The following ERMARD variants were observed in gnomAD, a reference collection of about 807,000 sequenced individuals.
The protein encoded by ERMARD is endoplasmic reticulum membrane-associated RNA degradation protein.
ERMARD carries 71 observed loss-of-function variants against 83.9 expected under a neutral mutation model. The ratio of observed to expected loss-of-function variants is 0.85; its 90% CI spans 0.70 to 1.03. The LOEUF is 1.03. Among genes scored for constraint, ERMARD ranks in the 50% least tolerant of loss-of-function variants. ERMARD has a pLI of 0.00. For missense variants in ERMARD, 838 were observed against 810.9 expected (o/e 1.03, Z -0.41); for synonymous variants, 284 against 298.6 (o/e 0.95, Z 0.50).
At chr6:169,778,511 C>T (rs1793846004) in intron 16 of ERMARD, among the ~76,000 whole-genome samples, 2 of 152,212 alleles carry the variant, frequency 1.3e-5, no homozygotes, top group Admixed American at 6.5e-5. Flanking sequence ...GAATGTGCTA[C>T]ATCCTTAAGA....
intron 1 of ERMARD, among the ~76,000 whole-genome samples, chr6:169,752,279 G>A (rs942916579): frequency 6.6e-6 from 1 of 152,176 alleles, no homozygotes; most frequent in Non-Finnish European, 1.5e-5. Flanking sequence ...CTTTTCATGT[G>A]TTATCTGATT....
chr6:169,779,100 T>G, intron 16 of ERMARD, 82 bp from the exon 17 acceptor site: 1 of 1,165,602 alleles, frequency 8.6e-7, no homozygotes, highest in Non-Finnish European at 1.3e-6. Context: ...AGGATGTTGA[T>G]TAGGTGAAAC....
intron 1 of ERMARD, chr6:169,753,245 A>C (rs1790368461): frequency 6.5e-6 from 1 of 154,324 alleles, no homozygotes; most frequent in African/African-American, 2.4e-5. Flanking sequence ...GAGGGGGAGG[A>C]TAGAGAGAGC....
intron 16 of ERMARD, among the ~76,000 whole-genome samples, chr6:169,778,121 C>CT (rs1339729022): frequency 2.6e-5 from 4 of 152,196 alleles, no homozygotes; most frequent in Non-Finnish European, 4.4e-5. Flanking sequence ...GTGGAGGGGA[C>CT]TGGGGGACAG....
chr6:169,753,541 C>CT (rs80179662), intron 1 of ERMARD, among the ~76,000 whole-genome samples: 261 of 141,888 alleles, frequency 1.8e-3, no homozygotes, highest in South Asian at 6.1e-3. Flanking sequence ...TGTATTTTTT[C>CT]TTTTTTTTTT....
At chr6:169,772,504 G>A (rs1031629826) in intron 12 of ERMARD, among the ~76,000 whole-genome samples, 6 of 152,014 alleles carry the variant, frequency 3.9e-5, no homozygotes, top group East Asian at 1.9e-4. Flanking sequence ...AGTGGCTCAC[G>A]CCTGTAATCC....
chr6:169,756,506 A>G, intron 4 of ERMARD, 67 bp downstream of exon 4: 1 of 1,182,664 alleles, frequency 8.5e-7, no homozygotes, highest in Non-Finnish European at 1.2e-6. Context: ...ACTATTTTAC[A>G]GTTGTCCTCA....
At chr6:169,776,806 G>A in intron 16 of ERMARD, 133 bp downstream of exon 16, 1 of 1,067,356 alleles carries the variant, frequency 9.4e-7, no homozygotes, top group Non-Finnish European at 1.4e-6. Context: ...TGATATACTT[G>A]GAGTCCACAA....
At chr6:169,776,369 G>A in intron 15 of ERMARD, 86 bp from the exon 16 acceptor site, 1 of 1,559,038 alleles carries the variant, frequency 6.4e-7, no homozygotes, top group Non-Finnish European at 8.7e-7. Context: ...CTGGCTCCCA[G>A]AAAGCCGCAG....
intron 9 of ERMARD, among the ~76,000 whole-genome samples, chr6:169,763,611 G>T (rs1275739764): frequency 2.6e-5 from 4 of 152,210 alleles, no homozygotes; most frequent in African/African-American, 9.7e-5. Flanking sequence ...TCGGATTCTC[G>T]TCTCTTTCTC....
chr6:169,759,744 C>G, intron 6 of ERMARD, 94 bp from the exon 7 acceptor site: 1 of 1,242,414 alleles, frequency 8.0e-7, no homozygotes, highest in Non-Finnish European at 1.1e-6. Flanking sequence ...TTTAACTTTG[C>G]TTTCTTAATT....
In ERMARD at chr6:169,773,307, T is replaced by C; in HGVS notation, c.1234-12T>C. ...CCAAACATGATAGTAACCACTGTTTTCTCTGCACTAGGAAAAATCAGCCGT... is the reference window on the plus strand; with the variant it reads ...CCAAACATGATAGTAACCACTGTTTCCTCTGCACTAGGAAAAATCAGCCGT... On this transcript the variant is annotated splice_polypyrimidine_tract_variant and intron_variant, in intron 12 of 17. Coordinates refer to ENST00000366773, the MANE Select transcript of ERMARD (RefSeq NM_018341.3). 3 of 1,613,518 alleles carry C rather than the reference T, an allele frequency of 1.9e-6. No individual in the cohort carries two copies. The South Asian group carries it at 3.3e-5, about 18-fold the overall frequency.
intron 3 of ERMARD, chr6:169,755,752 T>C (rs1790739200): frequency 1.4e-5 from 3 of 214,568 alleles, no homozygotes; most frequent in Non-Finnish European, 1.8e-5. Flanking sequence ...TGAGGTGTTC[T>C]AAGACAGTGG....
chr6:169,763,281 C>G (rs1458616315), intron 9 of ERMARD, among the ~76,000 whole-genome samples: 1 of 152,202 alleles, frequency 6.6e-6, no homozygotes, highest in East Asian at 1.9e-4. Context: ...ACTGAGATGG[C>G]AGCACCCCCA....
At position 169,766,684 on chromosome 6, in the gene ERMARD, G is replaced by A; in HGVS notation, c.990+17G>A. The A allele has an allele frequency of 6.4e-7, 1 of 1,563,130 alleles. No homozygotes were observed. The highest frequency in any genetic ancestry group is 1.2e-5 in the South Asian group (1 of 82,198). On this transcript the variant is annotated intron_variant, in intron 10 of 17. Transcript: ENST00000366773. ...TTTGATCAAGTAAGTAAGTAAACTT[G>A]TAAGGTAACTTGAAACAAACAGAAC...
At chr6:169,766,133 C>T (rs1000605900) in intron 9 of ERMARD, among the ~76,000 whole-genome samples, 1 of 152,348 alleles carries the variant, frequency 6.6e-6, no homozygotes. Context: ...GGAGTTCAAT[C>T]GGTTGCCTGT....
chr6:169,773,573 C>G (rs1008559912), intron 13 of ERMARD, among the ~76,000 whole-genome samples, 171 bp downstream of exon 13: 1 of 152,192 alleles, frequency 6.6e-6, no homozygotes, highest in African/African-American at 2.4e-5. Flanking sequence ...GTTGCTCAGT[C>G]TTCTGAGTCT....
intron 13 of ERMARD, among the ~76,000 whole-genome samples, chr6:169,774,655 C>T (rs1216960942): frequency 6.6e-6 from 1 of 152,212 alleles, no homozygotes; most frequent in Non-Finnish European, 1.5e-5. Flanking sequence ...CACCCACGCT[C>T]ACTGGTGTCA....
In ERMARD at chr6:169,754,023, A is replaced by C; in HGVS notation, c.166A>C (p.Thr56Pro). The C allele has an allele frequency of 6.2e-7, 1 of 1,610,850 alleles. No individual in the cohort carries two copies. The highest frequency in any genetic ancestry group is 8.5e-7 in the Non-Finnish European group (1 of 1,178,008). Residue 56 changes from threonine to proline, a missense_variant, in exon 2 of 18, where the codon ACA (threonine) becomes CCA (proline). Transcript: ENST00000366773. Reference protein sequence around the residue: ...WKTITDCVSYTESEQGLDYWG... With the variant: ...WKTITDCVSYPESEQGLDYWG... ...AACAATCACAGACTGTGTGAGCTACACAGAGTCAGGTTTGTGCTGTCTTTG... is the reference window on the plus strand; with the variant it reads ...AACAATCACAGACTGTGTGAGCTACCCAGAGTCAGGTTTGTGCTGTCTTTG...
Sources: gnomAD v4.1 joint callset for allele counts (sites outside exome capture counted in the v4.1 genomes callset) on GRCh38, gnomAD v4.1.1 for gene constraint, MANE v1.5 for transcripts, NCBI Gene and HGNC (gene_info 2026-07-23, HGNC 2026-07-21) for gene names.